ZNF521: variants seen among roughly 807,000 people sequenced by gnomAD.
ZNF521 encodes the protein LYST-interacting protein 3.
ZNF521 carries 14 observed loss-of-function variants against 105.5 expected under a neutral mutation model. The observed-to-expected ratio is 0.13, with a 90% CI of 0.09 to 0.21. The LOEUF (loss-of-function observed/expected upper bound fraction) is 0.21. ZNF521 is among the 10% of genes least tolerant of loss of function. The pLI is 1.00. For synonymous variants in ZNF521, 635 were observed against 606.0 expected (o/e 1.05, Z -0.70); for missense variants, 1,233 against 1,629.7 (o/e 0.76, Z 4.19).
At chr18:25,212,308 G>A (rs937255591) in intron 4 of ZNF521, among the ~76,000 whole-genome samples, 1 of 150,868 alleles carries the variant, frequency 6.6e-6, no homozygotes, top group Non-Finnish European at 1.5e-5. Flanking sequence ...TCAGCAGTTC[G>A]AGACCAGCCT....
chr18:25,133,226 T>G (rs758148891), intron 5 of ZNF521, among the ~76,000 whole-genome samples: 7 of 152,216 alleles, frequency 4.6e-5, no homozygotes, highest in Non-Finnish European at 8.8e-5. Context: ...TCTAGATGAA[T>G]GTATTAACAT....
At chr18:25,148,284 T>C (rs907402697) in intron 5 of ZNF521, among the ~76,000 whole-genome samples, 6 of 152,212 alleles carry the variant, frequency 3.9e-5, no homozygotes, top group Non-Finnish European at 8.8e-5. Context: ...GACTTATTTA[T>C]GCCATTCTTA....
chr18:25,313,544 A>G (rs1289566510), intron 3 of ZNF521, among the ~76,000 whole-genome samples: 1 of 152,224 alleles, frequency 6.6e-6, no homozygotes, highest in African/African-American at 2.4e-5. Flanking sequence ...TCTTTGAAAT[A>G]TGAACTTATA....
intron 2 of ZNF521, among the ~76,000 whole-genome samples, chr18:25,343,500 A>G (rs1280395399): frequency 2.6e-5 from 4 of 152,218 alleles, no homozygotes; most frequent in African/African-American, 9.6e-5. Context: ...TGGGTTTCAC[A>G]TATACAAAAA....
intron 5 of ZNF521, among the ~76,000 whole-genome samples, chr18:25,116,994 C>CAT (rs1233299292): frequency 7.4e-6 from 1 of 135,574 alleles, no homozygotes; most frequent in Non-Finnish European, 1.5e-5. Flanking sequence ...TACACACACA[C>CAT]ATATATATAC....
intron 5 of ZNF521, among the ~76,000 whole-genome samples, chr18:25,126,141 C>G (rs1296549283): frequency 1.3e-5 from 2 of 152,094 alleles, no homozygotes; most frequent in African/African-American, 4.8e-5. Context: ...CCTGGTGACA[C>G]AGACCACATG....
At position 25,224,828 on chromosome 18, in the gene ZNF521, G is replaced by A. The variant is rs747788999; in HGVS notation, c.3090C>T (p.Thr1030=). 2 of 1,614,080 alleles carry A rather than the reference G, an allele frequency of 1.2e-6. No homozygotes were observed. Among genetic ancestry groups the A allele is most frequent in the Non-Finnish European group, 1.7e-6 (2 of 1,180,028 alleles). Residue 1030 remains threonine (T), a synonymous_variant, in exon 4 of 8, where the codon ACC becomes ACT. Coordinates refer to ENST00000361524, the MANE Select transcript of ZNF521 (RefSeq NM_015461.3). ...FRCVVCMQTV[T]STLELKIHGT... Reference sequence around the variant, plus strand: ...CATGGATTTTGAGTTCCAAGGTGGAGGTCACTGTCTGCATGCACACCACGC... The same window carrying A: ...CATGGATTTTGAGTTCCAAGGTGGAAGTCACTGTCTGCATGCACACCACGC...
intron 5 of ZNF521, among the ~76,000 whole-genome samples, chr18:25,142,224 C>T (rs2144443374): frequency 6.6e-6 from 1 of 152,264 alleles, no homozygotes; most frequent in Middle Eastern, 3.4e-3. Context: ...ACTTTACCAA[C>T]CTAATTTCCT....
chr18:25,207,409 T>G (rs1431913813), intron 4 of ZNF521, among the ~76,000 whole-genome samples: 3 of 152,182 alleles, frequency 2.0e-5, no homozygotes, highest in African/African-American at 7.2e-5. Context: ...GGCACAGGAC[T>G]CCAGGACCGA....
chr18:25,282,889 G>T (rs560622895), intron 3 of ZNF521, among the ~76,000 whole-genome samples: 4 of 152,272 alleles, frequency 2.6e-5, no homozygotes, highest in Admixed American at 2.6e-4. Context: ...TAAGTGAAAG[G>T]CACCACGTGG....
At chr18:25,083,113 A>C (rs2033539789) in intron 7 of ZNF521, among the ~76,000 whole-genome samples, 2 of 152,192 alleles carry the variant, frequency 1.3e-5, no homozygotes, top group South Asian at 2.1e-4. Context: ...CGTTTGTCTT[A>C]GCCACACCTC....
chr18:25,216,750 T>C (rs1337937506), intron 4 of ZNF521, among the ~76,000 whole-genome samples: 1 of 152,114 alleles, frequency 6.6e-6, no homozygotes, highest in African/African-American at 2.4e-5. Context: ...AGAGACAGGA[T>C]CTTGCTGTGT....
intron 3 of ZNF521, among the ~76,000 whole-genome samples, chr18:25,304,216 C>G (rs910794089): frequency 6.6e-6 from 1 of 152,210 alleles, no homozygotes; most frequent in African/African-American, 2.4e-5. Context: ...AAAGATGCTA[C>G]TATCAAATAC....
chr18:25,256,612 T>C (rs1049709573), intron 3 of ZNF521, among the ~76,000 whole-genome samples: 1 of 151,996 alleles, frequency 6.6e-6, no homozygotes, highest in African/African-American at 2.4e-5. Context: ...CTCAAGACTT[T>C]AAGGCTTGAA....
Position 25,089,486 on chromosome 18 carries a change from A to G in ZNF521, c.3885T>C (p.Phe1295=). 1.2e-6 allele frequency: 2 copies of G among 1,614,100 alleles called. No individual in the cohort carries two copies. Among genetic ancestry groups the G allele is most frequent in the Non-Finnish European group, 1.7e-6 (2 of 1,179,956 alleles). ...TTACCTGCAGCTCTGTTTGGAAGAA[A>G]AACTTCTGTGGACATTGTGTACAGT... The part of the protein sequence containing the change: ...IYDCTQCPQK[F]FFQTELQNHT... Residue 1295 remains phenylalanine (F), a synonymous_variant, in exon 7 of 8, where the codon TTT becomes TTC. Coordinates refer to ENST00000361524, the MANE Select transcript of ZNF521 (RefSeq NM_015461.3).
chr18:25,208,890 G>A (rs952210136), intron 4 of ZNF521, among the ~76,000 whole-genome samples: 16 of 152,190 alleles, frequency 1.1e-4, no homozygotes, highest in African/African-American at 2.9e-4. Context: ...GTCTTGCTAC[G>A]TTGCTTGGAC....
intron 5 of ZNF521, among the ~76,000 whole-genome samples, chr18:25,192,070 A>T (rs1290784056): frequency 6.6e-6 from 1 of 152,186 alleles, no homozygotes; most frequent in African/African-American, 2.4e-5. Flanking sequence ...TCTTTTCCCC[A>T]GGAAAGCTGT....
At chr18:25,311,093 T>A (rs1018266656) in intron 3 of ZNF521, among the ~76,000 whole-genome samples, 3 of 152,130 alleles carry the variant, frequency 2.0e-5, no homozygotes, top group Non-Finnish European at 4.4e-5. Context: ...AGTGAAGAGT[T>A]CCAGTCCAAT....
chr18:25,301,090 T>C (rs1359562600), intron 3 of ZNF521, among the ~76,000 whole-genome samples: 1 of 152,222 alleles, frequency 6.6e-6, no homozygotes, highest in Non-Finnish European at 1.5e-5. Flanking sequence ...GAACTTACTT[T>C]TTCTTCCATC....
Sources: allele counts gnomAD v4.1 joint callset (sites outside exome capture counted in the v4.1 genomes callset), GRCh38; gene constraint gnomAD v4.1.1; transcripts MANE v1.5; gene names NCBI Gene and HGNC (gene_info 2026-07-23, HGNC 2026-07-21).